SHPRH: variants seen among roughly 807,000 people sequenced by gnomAD.
The protein encoded by SHPRH is E3 ubiquitin-protein ligase SHPRH.
SHPRH carries 106 observed loss-of-function variants against 202.5 expected under a neutral mutation model. That is an observed-to-expected ratio of 0.52 (90% CI 0.45 to 0.62). The LOEUF (loss-of-function observed/expected upper bound fraction) is 0.62, where lower values mean the gene tolerates loss of function less well. Among genes scored for constraint, SHPRH ranks in the 20% least tolerant of loss-of-function variants. SHPRH has a pLI of 0.00. For synonymous variants in SHPRH, 729 were observed against 686.0 expected, an observed-to-expected ratio of 1.06 and a Z score of -0.98; for missense variants, 1,710 against 2,020.0, an observed-to-expected ratio of 0.85 and a Z score of 2.94.
At chr6:145,955,857 T>A (rs1562376835) in intron 1 of SHPRH, among the ~76,000 whole-genome samples, 2 of 151,894 alleles carry the variant, frequency 1.3e-5, no homozygotes, top group African/African-American at 2.4e-5. Flanking sequence ...ACACAGATGA[T>A]ATAATTAGCA....
chr6:145,888,135 ATAG>A, intron 28 of SHPRH, 35 bp from the exon 29 acceptor site: 1 of 1,481,480 alleles, frequency 6.8e-7, no homozygotes, highest in Non-Finnish European at 9.4e-7. Flanking sequence ...GCTTAAAAAC[ATAG>A]TAAAACAAAT....
At chr6:145,895,007 C>T in intron 25 of SHPRH, 30 bp from the exon 26 acceptor site, 1 of 1,592,138 alleles carries the variant, frequency 6.3e-7, no homozygotes, top group Non-Finnish European at 8.6e-7. Context: ...ATACACATTA[C>T]TACTAAAAAA....
chr6:145,953,463 C>G (rs1228028194), intron 2 of SHPRH, among the ~76,000 whole-genome samples: 2 of 151,982 alleles, frequency 1.3e-5, no homozygotes, highest in Non-Finnish European at 2.9e-5. Context: ...ATCACTGAGC[C>G]ACAATTTTGG....
intron 5 of SHPRH, 54 bp downstream of exon 5, chr6:145,948,218 T>C: frequency 7.4e-7 from 1 of 1,357,020 alleles, no homozygotes; most frequent in Non-Finnish European, 1.0e-6. Flanking sequence ...TCTCAGACAG[T>C]TTTTCATTAT....
rs1781248348 is a variant in SHPRH, at chr6:145,888,111, C to T, written c.4875-11G>A. 1.3e-6 allele frequency: 2 copies of T among 1,583,396 alleles called. No individual in the cohort carries two copies. The highest frequency in any genetic ancestry group is 1.4e-5 in the African/African-American group (1 of 74,034). Reference sequence around the variant, plus strand: ...TGTACAATAGTAGGTCTAAAAGGTACAGAAGAATTTTAAGCTTAAAAACAT... The same window carrying T: ...TGTACAATAGTAGGTCTAAAAGGTATAGAAGAATTTTAAGCTTAAAAACAT... On this transcript the variant is annotated splice_polypyrimidine_tract_variant and intron_variant, in intron 28 of 29. Transcript: ENST00000275233.
chr6:145,915,107 A>G (rs1023651463), intron 23 of SHPRH, among the ~76,000 whole-genome samples: 3 of 147,616 alleles, frequency 2.0e-5, no homozygotes, highest in African/African-American at 7.4e-5. Context: ...ACTTATAAAT[A>G]AATTTATAAT....
chr6:145,954,664 A>C (rs1333196857), intron 2 of SHPRH, 26 bp downstream of exon 2: 4 of 1,538,452 alleles, frequency 2.6e-6, no homozygotes, highest in Non-Finnish European at 3.5e-6. Context: ...AGAGCCTCAA[A>C]AAAGACACCA....
At position 145,886,063 on chromosome 6, in the gene SHPRH, A is replaced by G. The variant is rs988408824; in HGVS notation, c.*628T>C. On this transcript the variant is annotated 3_prime_UTR_variant, in exon 30 of 30. Transcript: ENST00000275233. Reference sequence around the variant, plus strand: ...ACACTAACACCACTTTACACATAATAGAAATATGAATATTTTCATTGTTTT... The same window carrying G: ...ACACTAACACCACTTTACACATAATGGAAATATGAATATTTTCATTGTTTT... 1.2e-5 allele frequency: 2 copies of G among 162,368 alleles called. No individual in the cohort carries two copies. The highest frequency in any genetic ancestry group is 2.7e-5 in the Non-Finnish European group (2 of 74,352). The allele number at this position is 162,368 out of a possible 1,614,324, so 10.1% of individuals were successfully genotyped here.
At chr6:145,912,472 A>G (rs192691954) in intron 24 of SHPRH, among the ~76,000 whole-genome samples, 4 of 152,226 alleles carry the variant, frequency 2.6e-5, no homozygotes, top group Admixed American at 1.3e-4. Context: ...CAGTTGTATA[A>G]ATCTTATCAA....
At chr6:145,951,974 T>G in intron 3 of SHPRH, 1 of 439,932 alleles carries the variant, frequency 2.3e-6, no homozygotes, top group East Asian at 7.1e-5. Context: ...AACCAGGCTT[T>G]TGAAATTATT....
intron 2 of SHPRH, chr6:145,871,291 C>T (rs1428268809): frequency 6.6e-6 from 1 of 152,006 alleles, no homozygotes; most frequent in Non-Finnish European, 1.5e-5. Flanking sequence ...TGACATAATC[C>T]TATATCTAGA....
downstream of SHPRH, chr6:145,883,675 A>G (rs1344197246): frequency 1.3e-5 from 2 of 152,228 alleles, no homozygotes; most frequent in South Asian, 4.1e-4. Context: ...CACTTTGAAG[A>G]AGTCTTACTG....
intron 2 of SHPRH, among the ~76,000 whole-genome samples, chr6:145,878,233 C>A (rs971984609): frequency 6.6e-6 from 1 of 152,174 alleles, no homozygotes; most frequent in African/African-American, 2.4e-5. Context: ...TCCCCCCAAC[C>A]CCATGCACAA....
chr6:145,917,134 G>A (rs1784025328), intron 23 of SHPRH: 1 of 152,096 alleles, frequency 6.6e-6, no homozygotes. Flanking sequence ...CAGAATAAGT[G>A]TTGGTAATCA....
rs561223552 is a variant in SHPRH at position 145,899,255 on chromosome 6, A to C, written c.4516-4278T>G. 7.2e-5 allele frequency among the ~76,000 whole-genome samples: 11 copies of C among 152,296 alleles called. No individual in the cohort carries two copies. The South Asian group carries it at 2.3e-3, about 32-fold the overall frequency. On this transcript the variant is annotated intron_variant, in intron 25 of 29. Transcript: ENST00000275233. ...TTGGATAACCAAAGCAATCTTGAGC[A>C]AAAAGCTAGAGATACCACACTCCCT...
intron 2 of SHPRH, chr6:145,871,614 A>C (rs1175331072): frequency 6.6e-6 from 1 of 152,222 alleles, no homozygotes; most frequent in Non-Finnish European, 1.5e-5. Flanking sequence ...GTAAATGGTC[A>C]TACTGCCCAA....
At chr6:145,953,108 ATATAAC>A (rs924476482) in intron 2 of SHPRH, among the ~76,000 whole-genome samples, 24 of 152,188 alleles carry the variant, frequency 1.6e-4, no homozygotes, top group African/African-American at 5.8e-4. Flanking sequence ...ATCTTAAATA[ATATAAC>A]TATAAAAGTT....
intron 2 of SHPRH, among the ~76,000 whole-genome samples, chr6:145,867,629 T>TGGAGAGAG: frequency 2.3e-5 from 1 of 43,912 alleles, no homozygotes; most frequent in African/African-American, 1.3e-4. Context: ...TATATATATA[T>TGGAGAGAG]ATAGAGAGAG....
chr6:145,921,705 G>A (rs1784446091), intron 20 of SHPRH, among the ~76,000 whole-genome samples: 1 of 151,982 alleles, frequency 6.6e-6, no homozygotes, highest in Non-Finnish European at 1.5e-5. Flanking sequence ...AGTTATATCT[G>A]TTGGAGATAA....
Sources: allele counts gnomAD v4.1 joint callset (sites outside exome capture counted in the v4.1 genomes callset), GRCh38; gene constraint gnomAD v4.1.1; transcripts MANE v1.5; gene names NCBI Gene and HGNC (gene_info 2026-07-23, HGNC 2026-07-21).